Variants in FANCM observed in about 807,000 individuals in gnomAD.
FANCM encodes the protein FA complementation group M.
A neutral mutation model predicts 199.5 loss-of-function variants in FANCM; 140 were observed. That is an observed-to-expected ratio of 0.70 (90% confidence interval 0.61 to 0.81). The LOEUF (loss-of-function observed/expected upper bound fraction) is 0.81, where lower values mean the gene tolerates loss of function less well. FANCM is among the 30% of genes least tolerant of loss of function. FANCM has a pLI of 0.00. For missense variants in FANCM, 2,410 were observed against 2,421.4 expected, an observed-to-expected ratio of 1.00 and a Z score of 0.10; for synonymous variants, 840 against 836.8, an observed-to-expected ratio of 1.00 and a Z score of -0.07.
intron 20 of FANCM, among the ~76,000 whole-genome samples, chr14:45,190,506 C>T (rs1308954920): frequency 6.6e-6 from 1 of 152,078 alleles, no homozygotes; most frequent in Non-Finnish European, 1.5e-5. Flanking sequence ...AGATAAAATA[C>T]CTTGTAATTA....
chr14:45,195,850 A>G (rs1285726306), intron 20 of FANCM, among the ~76,000 whole-genome samples: 1 of 151,800 alleles, frequency 6.6e-6, no homozygotes, highest in Non-Finnish European at 1.5e-5. Flanking sequence ...AGGTTATTTC[A>G]CCTTCCATTC....
rs1167705978 is a variant in FANCM at position 45,137,273 on chromosome 14, G to A, written c.681+32G>A. ...ATTTTGTTAAACGGTATTTTGTATT[G>A]TAACTGTACTGTTAAAGAGAATTTT... is the stretch of plus-strand genomic sequence containing the variant. On this transcript the variant is annotated intron_variant, in intron 2 of 22. Coordinates refer to ENST00000267430, the MANE Select transcript of FANCM (RefSeq NM_020937.4). 1.9e-6 allele frequency: 3 copies of A among 1,580,556 alleles called. No individual in the cohort carries two copies. In the Admixed American group the frequency reaches 5.0e-5, roughly 26 times the overall value.
intron 6 of FANCM, 73 bp from the exon 7 acceptor site, chr14:45,154,624 T>G (rs1487162761): frequency 9.1e-7 from 1 of 1,101,414 alleles, no homozygotes; most frequent in Non-Finnish European, 1.3e-6. Flanking sequence ...AAAGTTTAAT[T>G]TCTTTTTAAT....
At chr14:45,173,024 C>G in intron 12 of FANCM, 31 bp from the exon 13 acceptor site, 1 of 1,507,500 alleles carries the variant, frequency 6.6e-7, no homozygotes, top group Non-Finnish European at 9.2e-7. Context: ...AGTATGTTTT[C>G]ATCATTTTTA....
intron 3 of FANCM, 45 bp downstream of exon 3, chr14:45,140,754 C>T (rs1476161646): frequency 1.6e-6 from 2 of 1,272,474 alleles, no homozygotes; most frequent in South Asian, 1.2e-5. Flanking sequence ...GAAAATAAAG[C>T]TTTTGGCCAG....
intron 19 of FANCM, 102 bp from the exon 20 acceptor site, chr14:45,188,700 T>A (rs1428753808): frequency 1.2e-6 from 1 of 866,824 alleles, no homozygotes; most frequent in African/African-American, 1.7e-5. Flanking sequence ...ATAAAGTAAA[T>A]TAAACAAATA....
At chr14:45,171,691 TTG>T (rs3036344) in intron 12 of FANCM, among the ~76,000 whole-genome samples, 118,013 of 146,322 alleles carry the variant, frequency 0.81, 47,540 homozygotes, top group Non-Finnish European at 0.84. Flanking sequence ...GTAGTCCATG[TTG>T]TGTGTGTGTG....
intron 20 of FANCM, chr14:45,195,409 T>G (rs1369006033): frequency 1.7e-5 from 7 of 404,006 alleles, no homozygotes; most frequent in Non-Finnish European, 3.0e-5. Context: ...TACTTTTTCC[T>G]TTCTGTTTTT....
At chr14:45,168,524 A>C (rs1190711120) in intron 11 of FANCM, among the ~76,000 whole-genome samples, 1 of 151,188 alleles carries the variant, frequency 6.6e-6, no homozygotes, top group Non-Finnish European at 1.5e-5. Flanking sequence ...TCTGGAACCT[A>C]TCCTTTTAAA....
chr14:45,185,186 A>AAGG (rs1566777690), intron 17 of FANCM, 31 bp from the exon 18 acceptor site: 4 of 1,420,822 alleles, frequency 2.8e-6, no homozygotes, highest in Non-Finnish European at 3.9e-6. Context: ...TCTCACTGAT[A>AAGG]TCTTCATGTT....
intron 18 of FANCM, 106 bp from the exon 19 acceptor site, chr14:45,187,675 C>T (rs887328464): frequency 3.3e-6 from 2 of 613,960 alleles, no homozygotes; most frequent in Non-Finnish European, 5.9e-6. Flanking sequence ...AAAATATTTG[C>T]ACAAGGTTTG....
chr14:45,137,502 A>T, intron 2 of FANCM: 2 of 448,722 alleles, frequency 4.5e-6, no homozygotes, highest in East Asian at 4.5e-5. Context: ...TTAGTGTCAG[A>T]TGTAGATCAT....
In FANCM at chr14:45,146,653, A is replaced by C. The variant is rs1380740887; in HGVS notation, c.760-2184A>C. On this transcript the variant is annotated intron_variant, in intron 3 of 22. Coordinates refer to ENST00000267430, the MANE Select transcript of FANCM (RefSeq NM_020937.4). ...AAACCATCCTGGCCAACATGGTGAA[A>C]CCCCGTCTCTACTAAAAAAAATACA... Among the ~76,000 whole-genome samples the C allele has an allele frequency of 1.3e-4, 19 of 151,306 alleles. No homozygotes were observed. The East Asian group carries it at 3.5e-3, about 28-fold the overall frequency.
At chr14:45,157,041 A>G (rs776805577) in intron 8 of FANCM, among the ~76,000 whole-genome samples, 24 of 152,066 alleles carry the variant, frequency 1.6e-4, no homozygotes, top group Non-Finnish European at 2.8e-4. Context: ...TAAGTATGTG[A>G]GGTAATATGT....
intron 16 of FANCM, among the ~76,000 whole-genome samples, chr14:45,183,020 TTGCAC>T (rs1889165702): frequency 6.6e-6 from 1 of 152,168 alleles, no homozygotes; most frequent in Non-Finnish European, 1.5e-5. Flanking sequence ...CATATCACTT[TTGCAC>T]TATGGAGAGG....
At chr14:45,169,594 T>A (rs1038022756) in intron 11 of FANCM, among the ~76,000 whole-genome samples, 1 of 151,762 alleles carries the variant, frequency 6.6e-6, no homozygotes, top group Non-Finnish European at 1.5e-5. Flanking sequence ...AGACTTGGGG[T>A]CAAGCTGTGT....
chr14:45,139,071 A>G (rs561956256), intron 2 of FANCM, among the ~76,000 whole-genome samples: 25 of 152,238 alleles, frequency 1.6e-4, no homozygotes, highest in Non-Finnish European at 3.4e-4. Flanking sequence ...AAAAGCATCA[A>G]TCCAGTAAGC....
intron 2 of FANCM, among the ~76,000 whole-genome samples, chr14:45,138,579 G>A (rs1021049544): frequency 1.3e-5 from 2 of 152,008 alleles, no homozygotes; most frequent in African/African-American, 4.8e-5. Context: ...ATCAGCTTGG[G>A]CAACATAGTG....
intron 21 of FANCM, chr14:45,198,369 A>G: frequency 3.8e-6 from 1 of 263,394 alleles, no homozygotes; most frequent in Non-Finnish European, 7.2e-6. Flanking sequence ...GAGATGAGTA[A>G]TACAGTCTTG....
Sources: gnomAD v4.1 joint callset for allele counts (sites outside exome capture counted in the v4.1 genomes callset) on GRCh38, gnomAD v4.1.1 for gene constraint, MANE v1.5 for transcripts, NCBI Gene and HGNC (gene_info 2026-07-23, HGNC 2026-07-21) for gene names.